The following COL6A6 variants were observed in gnomAD, a reference collection of about 807,000 sequenced individuals.
The protein encoded by COL6A6 is collagen type VI alpha 6 chain, also known as collagen alpha-6(VI) chain.
COL6A6 carries 183 observed loss-of-function variants against 208.6 expected under a neutral mutation model. That is an observed-to-expected ratio of 0.88 (90% CI 0.78 to 0.99). COL6A6 has a LOEUF of 0.99. Ranked by LOEUF, COL6A6 falls within the 50% of genes least tolerant of loss-of-function variation. COL6A6 has a pLI of 0.00. For missense variants in COL6A6, 2,816 were observed against 2,815.2 expected (o/e 1.00, Z -0.01); for synonymous variants, 973 against 1,011.8 (o/e 0.96, Z 0.73).
At chr3:130,609,034 T>C in intron 22 of COL6A6, 70 bp downstream of exon 22, 1 of 1,139,258 alleles carries the variant, frequency 8.8e-7, no homozygotes, top group South Asian at 1.3e-5. Context: ...TCTGAGGACC[T>C]GATAGAAACC....
intron 1 of COL6A6, among the ~76,000 whole-genome samples, chr3:130,556,460 CTG>C (rs1170123845): frequency 6.6e-6 from 1 of 152,052 alleles, no homozygotes; most frequent in Non-Finnish European, 1.5e-5. Context: ...TTCCAAAGGC[CTG>C]GTGTTTACTT....
At chr3:130,531,061 G>GTCTCTCTCTCTCTCTCTCTCTC (rs10662894) in intron 1 of COL6A6, among the ~76,000 whole-genome samples, 5 of 136,660 alleles carry the variant, frequency 3.7e-5, no homozygotes, top group African/African-American at 1.4e-4. Flanking sequence ...CACACACACA[G>GTCTCTCTCTCTCTCTCTCTCTC]TCTCTCTCTC....
chr3:130,565,804 G>A (rs2063006217), intron 4 of COL6A6, among the ~76,000 whole-genome samples, 190 bp downstream of exon 4: 1 of 152,204 alleles, frequency 6.6e-6, no homozygotes, highest in South Asian at 2.1e-4. Context: ...TTGGCATGGG[G>A]AGAAGAGATT....
chr3:130,534,108 A>C (rs2062169112), intron 1 of COL6A6, among the ~76,000 whole-genome samples: 1 of 152,170 alleles, frequency 6.6e-6, no homozygotes, highest in Non-Finnish European at 1.5e-5. Flanking sequence ...TTGCTCTCCA[A>C]AGTGAGTGCA....
chr3:130,660,429 C>T (rs1484177024), intron 34 of COL6A6, among the ~76,000 whole-genome samples: 1 of 152,240 alleles, frequency 6.6e-6, no homozygotes, highest in African/African-American at 2.4e-5. Flanking sequence ...AGGATCAGCA[C>T]TCTGGTTATT....
chr3:130,666,635 ATG>A (rs765824143), intron 36 of COL6A6, among the ~76,000 whole-genome samples: 9 of 152,236 alleles, frequency 5.9e-5, no homozygotes, highest in Non-Finnish European at 1.3e-4. Context: ...ACAGTAATAA[ATG>A]TGTCTGAAGA....
intron 22 of COL6A6, among the ~76,000 whole-genome samples, chr3:130,610,243 C>T (rs1020433928): frequency 2.6e-5 from 4 of 152,064 alleles, no homozygotes; most frequent in African/African-American, 9.7e-5. Context: ...TACCACATAC[C>T]ATATCTTGTT....
At chr3:130,548,097 C>G (rs2062560841) in intron 1 of COL6A6, among the ~76,000 whole-genome samples, 1 of 152,236 alleles carries the variant, frequency 6.6e-6, no homozygotes, top group Non-Finnish European at 1.5e-5. Flanking sequence ...CCGGCCAATC[C>G]TAGTTGTTTT....
intron 7 of COL6A6, 132 bp from the exon 8 acceptor site, chr3:130,573,824 C>T (rs1420253240): frequency 4.8e-6 from 3 of 628,832 alleles, no homozygotes; most frequent in African/African-American, 3.7e-5. Flanking sequence ...CCGCCTCGGC[C>T]TCCCAAAGTG....
chr3:130,539,043 C>T (rs924812827), intron 1 of COL6A6, among the ~76,000 whole-genome samples: 1 of 152,164 alleles, frequency 6.6e-6, no homozygotes, highest in Non-Finnish European at 1.5e-5. Flanking sequence ...ATTCAGGTCC[C>T]CATGCTGAGA....
chr3:130,571,126 G>T lies in COL6A6; in HGVS notation c.2710G>T (p.Gly904Cys). 6.2e-7 allele frequency: 1 copy of T among 1,613,872 alleles called. No individual in the cohort carries two copies. Among genetic ancestry groups the T allele is most frequent in the Non-Finnish European group, 8.5e-7 (1 of 1,179,810 alleles). The change falls in exon 7 of 37, where the codon GGC becomes TGC. Residue 904 changes from glycine (G) to cysteine (C), a missense_variant. Gly to Cys is a radical substitution (Grantham distance 159, BLOSUM62 -3). Coordinates refer to ENST00000358511, the MANE Select transcript of COL6A6 (RefSeq NM_001102608.3). ...FSDHMFTEAR[G>C]SRLNKGVPQV... is the part of the protein sequence containing the mutation. ...AGACCACATGTTCACTGAAGCCCGG[G>T]GCAGCCGCCTGAACAAGGGGGTCCC...
chr3:130,567,226 A>G lies in COL6A6; in HGVS notation c.1807A>G (p.Arg603Gly), dbSNP rs1309230253. The change falls in exon 5 of 37, where the codon AGA becomes GGA. Residue 603 changes from arginine to glycine, a missense_variant. Physicochemically the swap from Arg to Gly is moderately radical, Grantham distance 125 (BLOSUM62 -2). Coordinates refer to ENST00000358511, the MANE Select transcript of COL6A6 (RefSeq NM_001102608.3). ...TGACTTTGATGCATTGAAAGACATA[A>G]GAAACCAAGTTGTTCAAGAAATCTG... The part of the protein sequence containing the change: ...VHDFDALKDI[R>G]NQVVQEICTE... 1 of 1,612,410 alleles carries G rather than the reference A, an allele frequency of 6.2e-7. No homozygotes were observed. Among genetic ancestry groups the G allele is most frequent in the South Asian group, 1.1e-5 (1 of 91,036 alleles).
chr3:130,588,998 G>T, intron 11 of COL6A6, 92 bp from the exon 12 acceptor site: 1 of 803,846 alleles, frequency 1.2e-6, no homozygotes, highest in Non-Finnish European at 2.0e-6. Context: ...TTCTGAAACT[G>T]TGGTAGAAGT....
chr3:130,642,755 A>C (rs2065353834), intron 29 of COL6A6, 77 bp from the exon 30 acceptor site: 1 of 1,297,520 alleles, frequency 7.7e-7, no homozygotes, highest in African/African-American at 1.5e-5. Context: ...TCACTTTCTG[A>C]GGGCAATGTT....
chr3:130,604,449 C>T (rs944599479), intron 20 of COL6A6, among the ~76,000 whole-genome samples: 46 of 150,734 alleles, frequency 3.1e-4, no homozygotes, highest in Admixed American at 1.3e-3. Context: ...GAGCCGAAAT[C>T]GCGCCACTGC....
rs535305643 is a variant in COL6A6 at position 130,520,164 on chromosome 3, A to G, written c.-32+2767A>G. On this transcript the variant is annotated intron_variant, in intron 1 of 36. Transcript: ENST00000358511. The stretch of plus-strand genomic sequence containing the variant: ...TATGCCTGCAGGTAGGAGGCTTTTA[A>G]AAGTGCACTCAGTGTTTTAATTTCT... Among the ~76,000 whole-genome samples, 175 of 152,312 alleles carry G rather than the reference A, an allele frequency of 1.1e-3. 1 individual carries two copies. Among genetic ancestry groups the G allele is most frequent in the African/African-American group, 4.0e-3 (167 of 41,582 alleles).
intron 32 of COL6A6, among the ~76,000 whole-genome samples, chr3:130,648,184 C>T (rs1247712092): frequency 1.3e-5 from 2 of 152,194 alleles, no homozygotes; most frequent in African/African-American, 4.8e-5. Flanking sequence ...AGTTTACCAA[C>T]CATAATCAGT....
intron 1 of COL6A6, among the ~76,000 whole-genome samples, chr3:130,533,976 A>T (rs2062166674): frequency 6.6e-6 from 1 of 152,228 alleles, no homozygotes; most frequent in African/African-American, 2.4e-5. Flanking sequence ...CTGCATGAAC[A>T]TTAATAGTCT....
chr3:130,661,470 G>T (rs536009559), intron 34 of COL6A6, among the ~76,000 whole-genome samples, 167 bp from the exon 35 acceptor site: 1 of 152,064 alleles, frequency 6.6e-6, no homozygotes, highest in Non-Finnish European at 1.5e-5. Context: ...GTACTTTTGG[G>T]GGACAGATGC....
Sources: allele counts gnomAD v4.1 joint callset (sites outside exome capture counted in the v4.1 genomes callset), GRCh38; gene constraint gnomAD v4.1.1; transcripts MANE v1.5; gene names NCBI Gene and HGNC (gene_info 2026-07-23, HGNC 2026-07-21).